The following GRM8 variants were observed in gnomAD, a reference collection of about 807,000 sequenced individuals.
GRM8 encodes glutamate metabotropic receptor 8.
GRM8 carries 47 observed loss-of-function variants against 87.2 expected under a neutral mutation model. The observed-to-expected ratio is 0.54, with a 90% CI of 0.43 to 0.69. The LOEUF is 0.69. GRM8 is among the 30% of genes least tolerant of loss of function. The probability of loss-of-function intolerance (pLI) is 0.00; values close to 1 mark genes in which losing one functional copy is unlikely to be tolerated. For missense variants in GRM8, 1,019 were observed against 1,139.2 expected (o/e 0.89, Z 1.52); for synonymous variants, 396 against 404.5 (o/e 0.98, Z 0.25).
intron 9 of GRM8, among the ~76,000 whole-genome samples, chr7:126,449,474 T>C (rs968692546): frequency 1.3e-5 from 2 of 151,984 alleles, no homozygotes; most frequent in Admixed American, 6.6e-5. Flanking sequence ...TCTAAAAATA[T>C]GCTAACAAAG....
rs75129067 is a variant in GRM8 at position 126,694,642 on chromosome 7, G to A, written c.1357+75223C>T. 5.2e-3 allele frequency among the ~76,000 whole-genome samples: 794 copies of A among 152,272 alleles called. 5 individuals carry two copies. The highest frequency in any genetic ancestry group is 8.6e-3 in the Non-Finnish European group (584 of 68,028). On this transcript the variant is annotated intron_variant, in intron 7 of 10. Coordinates refer to ENST00000339582, the MANE Select transcript of GRM8 (RefSeq NM_000845.3). ...TGTTAGCATGCCTTAAAGTGATCAA[G>A]AAAGCTCTTGAGTGTTGAAATATAC...
chr7:127,233,930 T>C (rs924029118), intron 2 of GRM8, among the ~76,000 whole-genome samples: 109 of 152,120 alleles, frequency 7.2e-4, no homozygotes, highest in African/African-American at 2.5e-3. Flanking sequence ...AAAGATTAGA[T>C]GTGTAGACGC....
intron 7 of GRM8, among the ~76,000 whole-genome samples, chr7:126,647,871 C>T (rs1261055275): frequency 6.6e-6 from 1 of 152,122 alleles, no homozygotes; most frequent in Non-Finnish European, 1.5e-5. Flanking sequence ...GCATTTTCTT[C>T]ATAGCAAACT....
At chr7:126,580,330 G>T (rs1328463103) in intron 8 of GRM8, among the ~76,000 whole-genome samples, 1 of 152,028 alleles carries the variant, frequency 6.6e-6, no homozygotes, top group Non-Finnish European at 1.5e-5. Flanking sequence ...AAAATTCCAA[G>T]ACTCCCTCTT....
chr7:126,724,713 A>T (rs1268205345), intron 7 of GRM8, among the ~76,000 whole-genome samples: 2 of 152,090 alleles, frequency 1.3e-5, no homozygotes, highest in Non-Finnish European at 2.9e-5. Flanking sequence ...TATGTGCCTG[A>T]AAAGGGACAG....
At chr7:127,199,752 C>G (rs758016382) in intron 2 of GRM8, among the ~76,000 whole-genome samples, 12 of 152,188 alleles carry the variant, frequency 7.9e-5, no homozygotes, top group Non-Finnish European at 1.6e-4. Flanking sequence ...CCGTTTTCCC[C>G]CAGTCCAAGA....
At chr7:126,847,522 G>A (rs1796813633) in intron 6 of GRM8, among the ~76,000 whole-genome samples, 1 of 152,072 alleles carries the variant, frequency 6.6e-6, no homozygotes, top group Admixed American at 6.6e-5. Context: ...GAGGTGTAGG[G>A]GCTGGTGTCA....
At chr7:126,593,570 A>AT (rs1273540609) in intron 8 of GRM8, among the ~76,000 whole-genome samples, 1 of 151,926 alleles carries the variant, frequency 6.6e-6, no homozygotes, top group African/African-American at 2.4e-5. Context: ...AATTTAGGTA[A>AT]TTTTCTCACA....
At chr7:126,670,548 C>T (rs745798207) in intron 7 of GRM8, among the ~76,000 whole-genome samples, 34 of 152,226 alleles carry the variant, frequency 2.2e-4, no homozygotes, top group Middle Eastern at 3.4e-3. Flanking sequence ...TATTCACAGA[C>T]GATTGTTGTC....
At chr7:126,485,994 A>C (rs1240768188) in intron 9 of GRM8, among the ~76,000 whole-genome samples, 2 of 152,024 alleles carry the variant, frequency 1.3e-5, no homozygotes, top group Non-Finnish European at 2.9e-5. Context: ...TCTACACTTG[A>C]AGAATAAACT....
At chr7:126,619,238 G>C (rs573344401) in intron 7 of GRM8, among the ~76,000 whole-genome samples, 2 of 152,216 alleles carry the variant, frequency 1.3e-5, no homozygotes, top group Non-Finnish European at 2.9e-5. Flanking sequence ...CATGGATGAA[G>C]CTGGAAATCA....
At chr7:127,167,246 C>T (rs1487900485) in intron 2 of GRM8, among the ~76,000 whole-genome samples, 1 of 152,154 alleles carries the variant, frequency 6.6e-6, no homozygotes, top group African/African-American at 2.4e-5. Context: ...TGCTCCTTAT[C>T]ATCATGTACA....
chr7:126,624,701 C>T (rs1017900172), intron 7 of GRM8, among the ~76,000 whole-genome samples: 43 of 137,572 alleles, frequency 3.1e-4, no homozygotes, highest in African/African-American at 1.1e-3. Context: ...TCCAGTCTTC[C>T]TTGCACTTAG....
At chr7:126,967,388 TATG>T (rs1171245741) in intron 3 of GRM8, among the ~76,000 whole-genome samples, 1 of 152,194 alleles carries the variant, frequency 6.6e-6, no homozygotes, top group Non-Finnish European at 1.5e-5. Context: ...GACTTCCTCC[TATG>T]ACTCACATCA....
chr7:127,154,983 C>T (rs936355292), intron 2 of GRM8, among the ~76,000 whole-genome samples: 10 of 152,106 alleles, frequency 6.6e-5, no homozygotes, highest in African/African-American at 2.4e-4. Flanking sequence ...GAATTAAAGG[C>T]ACCCCTGAAA....
chr7:126,935,546 A>G (rs1250113067), intron 3 of GRM8, among the ~76,000 whole-genome samples: 1 of 152,170 alleles, frequency 6.6e-6, no homozygotes, highest in African/African-American at 2.4e-5. Flanking sequence ...GGGGGAGGAG[A>G]AGAACAATTT....
chr7:126,848,367 A>G (rs1796898527), intron 6 of GRM8, among the ~76,000 whole-genome samples: 1 of 152,212 alleles, frequency 6.6e-6, no homozygotes, highest in Admixed American at 6.5e-5. Context: ...GAAAAAGTAC[A>G]CACTGAATTT....
At chr7:126,717,595 A>G in intron 7 of GRM8, among the ~76,000 whole-genome samples, 1 of 152,240 alleles carries the variant, frequency 6.6e-6, no homozygotes, top group East Asian at 1.9e-4. Context: ...ATTTCAAATA[A>G]GTAGACTTTG....
chr7:126,576,958 A>T (rs1267791541), intron 8 of GRM8, among the ~76,000 whole-genome samples: 2 of 152,238 alleles, frequency 1.3e-5, no homozygotes, highest in African/African-American at 4.8e-5. Flanking sequence ...TTTTGACTCC[A>T]GGAAAACATC....
Sources: gnomAD v4.1 joint callset for allele counts (sites outside exome capture counted in the v4.1 genomes callset) on GRCh38, gnomAD v4.1.1 for gene constraint, MANE v1.5 for transcripts, NCBI Gene and HGNC (gene_info 2026-07-23, HGNC 2026-07-21) for gene names.